Variants in LRRTM3 observed in about 807,000 individuals in gnomAD.
The protein encoded by LRRTM3 is leucine-rich repeat transmembrane neuronal protein 3.
LRRTM3 carries 24 observed loss-of-function variants against 44.7 expected under a neutral mutation model. The ratio of observed to expected loss-of-function variants is 0.54; its 90% CI spans 0.39 to 0.76. LRRTM3 has a LOEUF of 0.76. Among genes scored for constraint, LRRTM3 ranks in the 30% least tolerant of loss-of-function variants. The pLI is 0.00. For missense variants in LRRTM3, 587 were observed against 702.2 expected (o/e 0.84, Z 1.85); for synonymous variants, 277 against 278.7 (o/e 0.99, Z 0.06).
intron 2 of LRRTM3, among the ~76,000 whole-genome samples, chr10:66,940,871 T>C (rs1191053598): frequency 6.6e-6 from 1 of 152,102 alleles, no homozygotes; most frequent in Non-Finnish European, 1.5e-5. Flanking sequence ...ACAAAACAGA[T>C]TTAGGTTTCT....
intron 2 of LRRTM3, among the ~76,000 whole-genome samples, chr10:66,985,195 C>T (rs1431293126): frequency 6.6e-6 from 1 of 152,118 alleles, no homozygotes. Context: ...GAGTAAAAAA[C>T]AAATCAGGTA....
At chr10:67,014,801 T>G (rs1240751980) in intron 2 of LRRTM3, among the ~76,000 whole-genome samples, 8 of 152,084 alleles carry the variant, frequency 5.3e-5, no homozygotes, top group Non-Finnish European at 1.0e-4. Context: ...TACCACCAAG[T>G]AAACATCATT....
chr10:67,006,830 G>C (rs1027805502), intron 2 of LRRTM3, among the ~76,000 whole-genome samples: 1 of 151,220 alleles, frequency 6.6e-6, no homozygotes, highest in Non-Finnish European at 1.5e-5. Flanking sequence ...GTCTCACTCT[G>C]TTGCCCAGGC....
At chr10:67,048,021 A>G (rs993566928) in intron 2 of LRRTM3, among the ~76,000 whole-genome samples, 5 of 152,168 alleles carry the variant, frequency 3.3e-5, no homozygotes, top group African/African-American at 1.2e-4. Flanking sequence ...TGTTCTTTCT[A>G]AGAATGAAAA....
At chr10:66,977,966 T>C (rs1039250922) in intron 2 of LRRTM3, among the ~76,000 whole-genome samples, 1 of 152,152 alleles carries the variant, frequency 6.6e-6, no homozygotes, top group Non-Finnish European at 1.5e-5. Flanking sequence ...TTAGTCAAAC[T>C]TTTATTCCTA....
intron 2 of LRRTM3, among the ~76,000 whole-genome samples, chr10:67,018,194 A>G (rs1852779433): frequency 6.6e-6 from 1 of 152,198 alleles, no homozygotes; most frequent in South Asian, 2.1e-4. Flanking sequence ...ATAAATATGT[A>G]CTTTTCTGTA....
At chr10:67,062,344 C>T (rs1855808643) in intron 2 of LRRTM3, among the ~76,000 whole-genome samples, 1 of 152,162 alleles carries the variant, frequency 6.6e-6, no homozygotes, top group South Asian at 2.1e-4. Context: ...TACATGCCAG[C>T]AGTGCTATTC....
intron 2 of LRRTM3, among the ~76,000 whole-genome samples, chr10:67,094,823 G>A (rs1287816533): frequency 6.6e-6 from 1 of 151,640 alleles, no homozygotes. Context: ...ATGAGTAAAT[G>A]TACACACATG....
chr10:66,933,681 T>C (rs1847533581), intron 2 of LRRTM3, among the ~76,000 whole-genome samples: 1 of 152,186 alleles, frequency 6.6e-6, no homozygotes, highest in Admixed American at 6.5e-5. Flanking sequence ...GAAATTACTA[T>C]TGACTTTATC....
At chr10:67,015,099 C>T (rs1420642349) in intron 2 of LRRTM3, among the ~76,000 whole-genome samples, 1 of 152,086 alleles carries the variant, frequency 6.6e-6, no homozygotes, top group Non-Finnish European at 1.5e-5. Context: ...TCTATTTCAA[C>T]ATTAGGTAGT....
chr10:66,962,412 G>GT (rs1467752788), intron 2 of LRRTM3, among the ~76,000 whole-genome samples: 8 of 138,520 alleles, frequency 5.8e-5, no homozygotes, highest in Admixed American at 3.5e-4. Flanking sequence ...TTTTGTTTTT[G>GT]TTTTTGTTTT....
chr10:66,930,347 G>A (rs528725034), intron 2 of LRRTM3, among the ~76,000 whole-genome samples: 1 of 152,080 alleles, frequency 6.6e-6, no homozygotes, highest in Non-Finnish European at 1.5e-5. Context: ...TAATAATGCA[G>A]ATACTTCCTC....
intron 2 of LRRTM3, among the ~76,000 whole-genome samples, chr10:66,950,471 G>C (rs940895607): frequency 6.6e-6 from 1 of 152,014 alleles, no homozygotes; most frequent in African/African-American, 2.4e-5. Flanking sequence ...ACACTTGTGA[G>C]AGTCTCACTG....
chr10:66,991,334 A>G (rs1056606823), intron 2 of LRRTM3, among the ~76,000 whole-genome samples: 1 of 152,218 alleles, frequency 6.6e-6, no homozygotes, highest in Non-Finnish European at 1.5e-5. Context: ...TGCTTTTCTG[A>G]AATAATATTT....
intron 2 of LRRTM3, among the ~76,000 whole-genome samples, chr10:67,021,139 C>G (rs137954710): frequency 1.7e-4 from 26 of 152,146 alleles, no homozygotes; most frequent in Admixed American, 1.5e-3. Context: ...AAGAGGAAGG[C>G]CAGTCAGGCT....
intron 2 of LRRTM3, among the ~76,000 whole-genome samples, chr10:66,985,028 C>A (rs1449755702): frequency 1.3e-5 from 2 of 152,120 alleles, no homozygotes. Context: ...TACAAACATA[C>A]AGAGCTCATC....
At chr10:67,030,650 A>G (rs1226752942) in intron 2 of LRRTM3, among the ~76,000 whole-genome samples, 1 of 152,136 alleles carries the variant, frequency 6.6e-6, no homozygotes, top group Non-Finnish European at 1.5e-5. Flanking sequence ...GTTTATCACC[A>G]TTATTATTTC....
intron 2 of LRRTM3, among the ~76,000 whole-genome samples, chr10:67,081,694 T>C (rs899360841): frequency 6.6e-6 from 1 of 152,174 alleles, no homozygotes; most frequent in Non-Finnish European, 1.5e-5. Flanking sequence ...AGTTCTAGTC[T>C]CCTGGACCAG....
chr10:67,065,789 C>G (rs894037014), intron 2 of LRRTM3, among the ~76,000 whole-genome samples: 75 of 152,094 alleles, frequency 4.9e-4, no homozygotes, highest in African/African-American at 1.7e-3. Flanking sequence ...CCAGGAACAC[C>G]AGTTTTGAAT....
Sources: allele counts gnomAD v4.1 joint callset (sites outside exome capture counted in the v4.1 genomes callset), GRCh38; gene constraint gnomAD v4.1.1; transcripts MANE v1.5; gene names NCBI Gene and HGNC (gene_info 2026-07-23, HGNC 2026-07-21).